Variants in GYG2 observed in about 807,000 individuals in gnomAD.
The protein encoded by GYG2 is glycogenin-2.
Under a neutral mutation model 29.4 loss-of-function variants are expected in GYG2, and 29 were observed. The ratio of observed to expected loss-of-function variants is 0.99; its 90% CI spans 0.74 to 1.35. The LOEUF (loss-of-function observed/expected upper bound fraction) is 1.35, where lower values mean the gene tolerates loss of function less well. Ranked by LOEUF, GYG2 falls within the 40% of genes most tolerant of loss-of-function variation. GYG2 has a pLI of 0.00. For missense variants in GYG2, 370 were observed against 385.7 expected, an observed-to-expected ratio of 0.96 and a Z score of 0.34; for synonymous variants, 167 against 172.3, an observed-to-expected ratio of 0.97 and a Z score of 0.24.
chrX:2,857,406 A>ATAAC (rs369406051), intron 6 of GYG2, among the ~76,000 whole-genome samples: 23 of 107,853 alleles, frequency 2.1e-4, no homozygotes, highest in Non-Finnish European at 1.9e-5. Context: ...ATCCATATAG[A>ATAAC]TATCTATATC....
intron 3 of GYG2, among the ~76,000 whole-genome samples, chrX:2,844,493 C>T (rs1248680627): frequency 1.2e-4 from 13 of 107,490 alleles, no homozygotes; most frequent in African/African-American, 3.8e-4. Flanking sequence ...TGTATATGCA[C>T]GCGTGTGCGT....
At chrX:2,858,086 A>AT (rs34599585) in intron 6 of GYG2, among the ~76,000 whole-genome samples, 42,448 of 109,478 alleles carry the variant, frequency 0.39, 7,099 homozygotes, top group Middle Eastern at 0.57. Context: ...TAATGGTTTG[A>AT]TTTTTTTTAA....
rs745988365 is a variant in GYG2 at position 2,880,017 on chromosome X, TGATA to T, written c.1252-1020_1252-1017del. On this transcript the variant is annotated intron_variant, in intron 10 of 10. Transcript: ENST00000398806. The stretch of plus-strand genomic sequence containing the variant: ...GTAGATGAGATAGATGATAAATAGA[TGATA>T]GATAGATAGATAGAAAGATGTGTGT... Among the ~76,000 whole-genome samples, 182 of 112,018 alleles carry T rather than the reference TGATA, an allele frequency of 1.6e-3. 1 individual carries two copies. The highest frequency in any genetic ancestry group is 4.7e-3 in the Middle Eastern group (1 of 213).
chrX:2,856,737 C>CT lies in GYG2; in HGVS notation c.614+113_614+114insT, dbSNP rs755581334. On this transcript the variant is annotated intron_variant, in intron 6 of 10. Transcript: ENST00000398806. ...TTAAAAACTCTATCTATCTATCTATCATCTATCTATCTATGTATCTATCTA... is the reference window on the plus strand; with the variant it reads ...TTAAAAACTCTATCTATCTATCTATCTATCTATCTATCTATGTATCTATCTA... 0.032 allele frequency: 13,163 copies of CT among 417,330 alleles called. 704 individuals carry two copies. The highest frequency in any genetic ancestry group is 0.21 in the African/African-American group (6,705 of 31,974). 34.4% of individuals were successfully genotyped at this position (417,330 alleles called of 1,213,427 possible). A position where few individuals can be genotyped will look rare whatever the true frequency, so the allele number is the denominator to read the frequency against.
chrX:2,842,121 T>C (rs2087515031), intron 2 of GYG2, among the ~76,000 whole-genome samples: 1 of 112,216 alleles, frequency 8.9e-6, no homozygotes, highest in African/African-American at 3.2e-5. Flanking sequence ...AGAAATGGTC[T>C]GTCCAGAATT....
intron 10 of GYG2, among the ~76,000 whole-genome samples, chrX:2,879,026 T>A (rs753786846): frequency 9.0e-6 from 1 of 111,570 alleles, no homozygotes; most frequent in South Asian, 3.8e-4. Context: ...GTGGACTTTT[T>A]AATTTATTTG....
intron 3 of GYG2, among the ~76,000 whole-genome samples, chrX:2,844,307 C>T (rs371917863): frequency 1.3e-4 from 14 of 111,484 alleles, no homozygotes; most frequent in African/African-American, 3.9e-4. Flanking sequence ...TAACTCAATC[C>T]GGGTACAAAT....
intron 3 of GYG2, among the ~76,000 whole-genome samples, chrX:2,851,513 G>C (rs1302876061): frequency 1.8e-5 from 2 of 112,041 alleles, no homozygotes; most frequent in Non-Finnish European, 3.8e-5. Flanking sequence ...CAAGGTGCTG[G>C]AATTACAGGC....
Position 2,843,269 on chromosome X carries a change from C to A in GYG2, c.64C>A (p.Leu22Met). 1.7e-6 allele frequency: 2 copies of A among 1,194,673 alleles called. No homozygotes were observed. Among genetic ancestry groups the A allele is most frequent in the South Asian group, 3.5e-5 (2 of 56,419 alleles). Residue 22 changes from leucine to methionine, a missense_variant, in exon 3 of 11, where the codon CTG (leucine) becomes ATG (methionine). Coordinates refer to ENST00000398806, the MANE Select transcript of GYG2 (RefSeq NM_001079855.2). Reference protein sequence around the residue: ...ATNDIYCQGALVLGQSLRRHR... With the variant: ...ATNDIYCQGAMVLGQSLRRHR... ...CAATGACATCTACTGCCAGGGCGCC[C>A]TGGTCCTGGGGCAGTCACTGAGGAG...
chrX:2,830,496 C>T (rs886670290), intron 2 of GYG2, among the ~76,000 whole-genome samples: 5 of 112,290 alleles, frequency 4.5e-5, no homozygotes, highest in Admixed American at 3.8e-4. Context: ...CATTGAACTG[C>T]CTGAGACTGT....
chrX:2,841,239 T>C (rs1358468542), intron 2 of GYG2, among the ~76,000 whole-genome samples: 2 of 108,532 alleles, frequency 1.8e-5, no homozygotes, highest in Non-Finnish European at 3.8e-5. Flanking sequence ...TAGAGATAGA[T>C]GATAGTAAGA....
intron 9 of GYG2, 119 bp from the exon 10 acceptor site, chrX:2,877,081 C>A: frequency 1.0e-6 from 1 of 999,278 alleles, no homozygotes; most frequent in Non-Finnish European, 1.3e-6. Flanking sequence ...CCGCGCCTGG[C>A]CTCAACCCAA....
At chrX:2,850,673 C>G (rs917617118) in intron 3 of GYG2, among the ~76,000 whole-genome samples, 1 of 111,282 alleles carries the variant, frequency 9.0e-6, no homozygotes, top group Non-Finnish European at 1.9e-5. Context: ...ATGACATTAT[C>G]TTGTGAAATT....
At position 2,877,856 on chromosome X, in the gene GYG2, A is replaced by G. The variant is rs2088636258; in HGVS notation, c.1251+549A>G. The G allele has an allele frequency of 4.0e-6, 3 of 750,891 alleles. No homozygotes were observed. In the South Asian group the frequency reaches 2.0e-4, roughly 51 times the overall value. The allele number at this position is 750,891 out of a possible 1,213,427, so 61.9% of individuals were successfully genotyped here. A position where few individuals can be genotyped will look rare whatever the true frequency, so the allele number is the denominator to read the frequency against. On this transcript the variant is annotated intron_variant, in intron 10 of 10. Coordinates refer to ENST00000398806, the MANE Select transcript of GYG2 (RefSeq NM_001079855.2). ...TCTTTAAGCATGATCTAATAATGCC[A>G]TTTGGTCTTTAAGTAACAATCAATA...
At position 2,881,495 on chromosome X, in the gene GYG2, T is replaced by C. The variant is rs2088720007; in HGVS notation, c.*282T>C. 4.0e-6 allele frequency: 1 copy of C among 251,275 alleles called. No homozygotes were observed. The highest frequency in any genetic ancestry group is 2.8e-5 in the African/African-American group (1 of 35,524). 20.7% of individuals were successfully genotyped at this position (251,275 alleles called of 1,213,427 possible). Reference sequence around the variant, plus strand: ...AAAGCGAGCAGTAATAACATTCTAGTAGACTCTCGATGGTGGTCTCCGCTC... The same window carrying C: ...AAAGCGAGCAGTAATAACATTCTAGCAGACTCTCGATGGTGGTCTCCGCTC... On this transcript the variant is annotated 3_prime_UTR_variant, in exon 11 of 11. Transcript: ENST00000398806.
At chrX:2,854,284 C>T (rs955258745) in intron 4 of GYG2, 130 bp downstream of exon 4, 6 of 454,651 alleles carry the variant, frequency 1.3e-5, no homozygotes, top group African/African-American at 4.9e-5. Flanking sequence ...TGCAATGGCA[C>T]GATCTCGGCT....
chrX:2,879,270 CTTTTTTTTT>C (rs752455317), intron 10 of GYG2, among the ~76,000 whole-genome samples: 1 of 93,472 alleles, frequency 1.1e-5, no homozygotes, highest in South Asian at 4.8e-4. Flanking sequence ...TATCTATTTT[CTTTTTTTTT>C]TTTTTTTTGA....
At chrX:2,866,427 C>T (rs768814710) in intron 8 of GYG2, among the ~76,000 whole-genome samples, 6 of 111,310 alleles carry the variant, frequency 5.4e-5, no homozygotes, top group Non-Finnish European at 9.4e-5. Context: ...CCTGGGAGGT[C>T]GAGGCTGCGG....
rs1441540603 is a variant in GYG2, at chrX:2,844,640, ATG to A, written c.149+1290_149+1291del. Among the ~76,000 whole-genome samples the A allele has an allele frequency of 9.8e-5, 2 of 20,498 alleles. 1 individual carries two copies. The highest frequency in any genetic ancestry group is 6.0e-4 in the African/African-American group (2 of 3,317). The allele number at this position is 20,498 out of a possible 115,157, so 17.8% of individuals were successfully genotyped here. A position where few individuals can be genotyped will look rare whatever the true frequency, so the allele number is the denominator to read the frequency against. On this transcript the variant is annotated intron_variant, in intron 3 of 10. Transcript: ENST00000398806. Reference sequence around the variant, plus strand: ...TGTGTATACGCACACGCATGCGTATATGTGTATACGCACACGCATGCGTATAT... The same window carrying A: ...TGTGTATACGCACACGCATGCGTATATGTATACGCACACGCATGCGTATAT...
Sources: gnomAD v4.1 joint callset for allele counts (sites outside exome capture counted in the v4.1 genomes callset) on GRCh38, gnomAD v4.1.1 for gene constraint, MANE v1.5 for transcripts, NCBI Gene and HGNC (gene_info 2026-07-23, HGNC 2026-07-21) for gene names.